Variants in CCDC92 observed in about 807,000 individuals in gnomAD.
The protein encoded by CCDC92 is coiled-coil domain containing 92, also known as coiled-coil domain-containing protein 92.
A neutral mutation model predicts 24.9 loss-of-function variants in CCDC92; 12 were observed. That is an observed-to-expected ratio of 0.48 (90% CI 0.31 to 0.78). CCDC92 has a LOEUF of 0.78. Ranked by LOEUF, CCDC92 falls within the 30% of genes least tolerant of loss-of-function variation. The probability of loss-of-function intolerance (pLI) is 0.05; values close to 1 mark genes in which losing one functional copy is unlikely to be tolerated. For synonymous variants in CCDC92, 193 were observed against 196.3 expected (o/e 0.98, Z 0.14); for missense variants, 399 against 439.4 (o/e 0.91, Z 0.82).
At chr12:123,943,134 A>C (rs1332429952) in intron 3 of CCDC92, among the ~76,000 whole-genome samples, 1 of 152,250 alleles carries the variant, frequency 6.6e-6, no homozygotes, top group Non-Finnish European at 1.5e-5. Flanking sequence ...ATTGTATTTT[A>C]ATCTCTTAAG....
At chr12:123,962,456 A>G (rs934308148) in intron 1 of CCDC92, 2 of 152,224 alleles carry the variant, frequency 1.3e-5, no homozygotes, top group East Asian at 3.8e-4. Flanking sequence ...ATTTCATGTG[A>G]TATCTTTTTT....
At position 123,941,138 on chromosome 12, in the gene CCDC92, C is replaced by T. The variant is rs566591728; in HGVS notation, c.223+1606G>A. Among the ~76,000 whole-genome samples, 168 of 152,340 alleles carry T rather than the reference C, an allele frequency of 1.1e-3. 1 individual carries two copies. The highest frequency in any genetic ancestry group is 2.5e-3 in the African/African-American group (103 of 41,572). ...GCCAGGAGAGGACAGGGAGCGAGGA[C>T]GCCCTGGCTTCCATGACACGGGTAG... On this transcript the variant is annotated intron_variant, in intron 4 of 4. Coordinates refer to ENST00000238156, the MANE Select transcript of CCDC92 (RefSeq NM_025140.3).
intron 1 of CCDC92, among the ~76,000 whole-genome samples, chr12:123,967,542 C>T (rs915663766): frequency 1.3e-5 from 2 of 152,144 alleles, no homozygotes; most frequent in Non-Finnish European, 2.9e-5. Context: ...TACAAAAAGC[C>T]TCCTTCAATG....
intron 1 of CCDC92, chr12:123,944,950 A>G (rs527672301): frequency 1.2e-4 from 19 of 152,332 alleles, no homozygotes; most frequent in African/African-American, 4.1e-4. Flanking sequence ...AGAGCTGATC[A>G]GAAGCCTTGG....
intron 1 of CCDC92, among the ~76,000 whole-genome samples, chr12:123,948,554 G>A (rs1228221597): frequency 6.6e-6 from 1 of 152,230 alleles, no homozygotes; most frequent in Admixed American, 6.5e-5. Context: ...GTGAGCGCTG[G>A]TGAGCCACTC....
intron 1 of CCDC92, chr12:123,971,552 A>C (rs1956536729): frequency 6.6e-6 from 1 of 152,236 alleles, no homozygotes; most frequent in African/African-American, 2.4e-5. Context: ...TAATATGTTA[A>C]AGTATTACAG....
intron 1 of CCDC92, chr12:123,961,351 A>G (rs1956267884): frequency 6.6e-6 from 1 of 152,170 alleles, no homozygotes; most frequent in Non-Finnish European, 1.5e-5. Context: ...TACTCTGAAG[A>G]GGTTGGAATT....
Position 123,937,836 on chromosome 12 carries a change from A to C in CCDC92, c.224-6T>G. The C allele has an allele frequency of 1.3e-6, 2 of 1,598,260 alleles. No homozygotes were observed. Among genetic ancestry groups the C allele is most frequent in the Non-Finnish European group, 8.5e-7 (1 of 1,175,668 alleles). On this transcript the variant is annotated splice_region_variant and splice_polypyrimidine_tract_variant and intron_variant, in intron 4 of 4. Coordinates refer to ENST00000238156, the MANE Select transcript of CCDC92 (RefSeq NM_025140.3). This position sits in a 1 kb window ranked among gnomAD's most constrained non-coding sequence, Gnocchi z 8.4. ...GCTTTTAGAAGTCCCGTCTCCTACA[A>C]GAATAAGCCGAGGAAGCAGGTGAAG...
rs1128802 is a variant in CCDC92, at chr12:123,937,475, G to T, written c.579C>A (p.Pro193=). ...GCGTTTCGGGTAGCTTGTCTTTGGGGGGCGCTGGCTTGTAGCTGGCCAGCA... is the reference window on the plus strand; with the variant it reads ...GCGTTTCGGGTAGCTTGTCTTTGGGTGGCGCTGGCTTGTAGCTGGCCAGCA... ...SPVLASYKPA[P]PKDKLPETPR... Residue 193 remains proline (P), a synonymous_variant, in exon 5 of 5, where the codon CCC becomes CCA. Transcript: ENST00000238156. This position sits in a 1 kb window ranked among gnomAD's most constrained non-coding sequence, Gnocchi z 8.4. 1.2e-6 allele frequency: 2 copies of T among 1,613,196 alleles called. No homozygotes were observed. The highest frequency in any genetic ancestry group is 4.5e-5 in the East Asian group (2 of 44,868).
chr12:123,943,515 G>C (rs1955755027), intron 2 of CCDC92, 22 bp from the exon 3 acceptor site: 1 of 1,613,354 alleles, frequency 6.2e-7, no homozygotes, highest in Admixed American at 1.7e-5. Flanking sequence ...ACAGACCCTG[G>C]CTGCGGTGCC....
At chr12:123,941,054 T>C (rs1955668161) in intron 4 of CCDC92, among the ~76,000 whole-genome samples, 1 of 152,058 alleles carries the variant, frequency 6.6e-6, no homozygotes, top group South Asian at 2.1e-4. Flanking sequence ...GGACCTCAGG[T>C]TGAGAACCGT....
chr12:123,965,327 A>T (rs912612369), intron 1 of CCDC92, among the ~76,000 whole-genome samples: 3 of 152,236 alleles, frequency 2.0e-5, no homozygotes, highest in African/African-American at 7.2e-5. Flanking sequence ...GATCTTTGGG[A>T]TGCAATCTCT....
At chr12:123,962,341 C>T (rs1280858106) in intron 1 of CCDC92, among the ~76,000 whole-genome samples, 1 of 152,172 alleles carries the variant, frequency 6.6e-6, no homozygotes, top group African/African-American at 2.4e-5. Flanking sequence ...TTTAAGACAC[C>T]TGGGCTTTAT....
chr12:123,942,997 A>AACTCCCTTCCCCATTCCCCCAC (rs1955734925), intron 3 of CCDC92, among the ~76,000 whole-genome samples: 1 of 152,078 alleles, frequency 6.6e-6, no homozygotes, highest in African/African-American at 2.4e-5. Context: ...TGTTCCCCCA[A>AACTCCCTTCCCCATTCCCCCAC]ACTCCCTTCC....
intron 1 of CCDC92, among the ~76,000 whole-genome samples, chr12:123,947,860 C>T (rs1020464550): frequency 6.6e-6 from 1 of 152,194 alleles, no homozygotes; most frequent in African/African-American, 2.4e-5. Context: ...ATAAATCTTG[C>T]TACTGCTCAC....
intron 1 of CCDC92, among the ~76,000 whole-genome samples, chr12:123,962,250 A>C (rs1400567673): frequency 1.3e-5 from 2 of 152,236 alleles, no homozygotes; most frequent in Non-Finnish European, 2.9e-5. Context: ...TAGTTCTCTT[A>C]AAGAGCTACA....
intron 2 of CCDC92, 68 bp downstream of exon 2, chr12:123,944,204 C>T: frequency 3.0e-6 from 3 of 993,642 alleles, no homozygotes; most frequent in Middle Eastern, 2.0e-4. Context: ...GGAGTCTGTC[C>T]CCAATGCTTG....
chr12:123,945,370 A>G (rs1275905261), intron 1 of CCDC92: 1 of 151,952 alleles, frequency 6.6e-6, no homozygotes, highest in East Asian at 1.9e-4. Flanking sequence ...GCCAGACACT[A>G]GTTTCTAAGT....
chr12:123,969,971 A>G (rs1022087728), intron 1 of CCDC92: 1 of 152,214 alleles, frequency 6.6e-6, no homozygotes, highest in African/African-American at 2.4e-5. Context: ...TATAATTAAA[A>G]AGAGTCTTTT....
Sources: allele counts gnomAD v4.1 joint callset (sites outside exome capture counted in the v4.1 genomes callset), GRCh38; gene constraint gnomAD v4.1.1; non-coding constraint Gnocchi (gnomAD v3.1); transcripts MANE v1.5; gene names NCBI Gene and HGNC (gene_info 2026-07-23, HGNC 2026-07-21).